MDN1: variants seen among roughly 807,000 people sequenced by gnomAD.
MDN1 encodes the protein midasin AAA ATPase 1.
Under a neutral mutation model 669.2 loss-of-function variants are expected in MDN1, and 266 were observed. That is an observed-to-expected ratio of 0.40 (90% CI 0.36 to 0.44). The LOEUF is 0.44. Ranked by LOEUF, MDN1 falls within the 20% of genes least tolerant of loss-of-function variation. The pLI is 1.00. For synonymous variants in MDN1, 2,385 were observed against 2,457.1 expected (o/e 0.97, Z 0.87); for missense variants, 5,940 against 6,754.0 (o/e 0.88, Z 4.22).
chr6:89,762,401 C>T lies in MDN1; in HGVS notation c.2274G>A (p.Gln758=), dbSNP rs749191908. 6.2e-7 allele frequency: 1 copy of T among 1,614,150 alleles called. No homozygotes were observed. The highest frequency in any genetic ancestry group is 8.5e-7 in the Non-Finnish European group (1 of 1,180,014). ...FLGHIQTCYR[Q]KRWHDLLRLM... ...GTCTCAGGAGATCATGCCACCGTTT[C>T]TGTCTGTAACAGGTCTGAATGTGCC... Residue 758 remains glutamine (Q), a synonymous_variant, in exon 16 of 102, where the codon CAG becomes CAA. Transcript: ENST00000369393.
chr6:89,793,800 C>G lies in MDN1; in HGVS notation c.817G>C (p.Val273Leu). Residue 273 changes from valine (V) to leucine (L), a missense_variant, in exon 5 of 102, where the codon GTG (valine) becomes CTG (leucine). This residue lies in a region of MDN1 where 1,203 missense variants were observed against 1,268.9 expected (regional missense o/e 0.95). Transcript: ENST00000369393. ...LSPRVTAVCG[V>L]VLPGQLPAPG... is the part of the protein sequence containing the mutation. ...GCTGGCAGCTGCCCAGGCAGCACCA[C>G]ACCACAAACAGCTGTCACCCTAGGG... 1 of 1,614,150 alleles carries G rather than the reference C, an allele frequency of 6.2e-7. No homozygotes were observed. Among genetic ancestry groups the G allele is most frequent in the Non-Finnish European group, 8.5e-7 (1 of 1,180,016 alleles).
Position 89,745,273 on chromosome 6 carries a change from C to G in MDN1, c.4178G>C (p.Gly1393Ala), listed in dbSNP as rs1229615716. 6.2e-7 allele frequency: 1 copy of G among 1,613,642 alleles called. No homozygotes were observed. The highest frequency in any genetic ancestry group is 8.5e-7 in the Non-Finnish European group (1 of 1,179,756). Residue 1393 changes from glycine to alanine, a missense_variant and splice_region_variant, in exon 29 of 102, where the codon GGG becomes GCG. Around this residue, in one of 5 missense-constraint regions of MDN1, gnomAD observed 2,292 missense variants for 2,638.3 expected, o/e 0.87. Transcript: ENST00000369393. The stretch of plus-strand genomic sequence containing the variant: ...ATGAGTCACTGTCACAGATCTTTAC[C>G]CAGTGTCTCCAACCAGCAGCACAGG... ...GEPVLLVGDT[G>A]CGKTTICQVF...
chr6:89,644,055 C>T lies in MDN1; in HGVS notation c.16741G>A (p.Asp5581Asn), dbSNP rs200698541. ...DVNALPETLSDALRQWFELVT... is the reference protein window; with the variant it reads ...DVNALPETLSNALRQWFELVT... ...AACTCAAACCACTGTCTGAGGGCAT[C>T]GCTGAGTGTCTCAGGAAGTGCGTTT... The change falls in exon 102 of 102, where the codon GAT (aspartate) becomes AAT (asparagine). Residue 5581 changes from aspartate to asparagine, a missense_variant. Physicochemically the swap from Asp to Asn is conservative, Grantham distance 23 (BLOSUM62 1). This residue lies in a region of MDN1 where 2,280 missense variants were observed against 2,576.3 expected (regional missense o/e 0.88). Transcript: ENST00000369393. 16 of 1,613,934 alleles carry T rather than the reference C, an allele frequency of 9.9e-6. No homozygotes were observed. The East Asian group carries it at 1.3e-4, about 13-fold the overall frequency.
Position 89,728,913 on chromosome 6 carries a change from T to G in MDN1, c.5349+18A>C, listed in dbSNP as rs1223094272. On this transcript the variant is annotated intron_variant, in intron 36 of 101. Transcript: ENST00000369393. ...TATCTATAGCTATCTCCATCAGCTG[T>G]AGGATGACCGAGCTTACCGTTTGCT... The G allele has an allele frequency of 6.2e-7, 1 of 1,607,354 alleles. No individual in the cohort carries two copies. The highest frequency in any genetic ancestry group is 1.7e-5 in the Admixed American group (1 of 59,976).
At chr6:89,655,356 CAG>C (rs998792348) in intron 92 of MDN1, among the ~76,000 whole-genome samples, 1 of 152,108 alleles carries the variant, frequency 6.6e-6, no homozygotes, top group African/African-American at 2.4e-5. Flanking sequence ...GGGACCTATC[CAG>C]AGGTGACTAA....
rs1222468370 is a variant in MDN1 at position 89,730,735 on chromosome 6, T to TA, written c.5130dup (p.Ile1711TyrfsTer11). The TA allele has an allele frequency of 6.2e-7, 1 of 1,612,556 alleles. No individual in the cohort carries two copies. Among genetic ancestry groups the TA allele is most frequent in the Non-Finnish European group, 8.5e-7 (1 of 1,179,568 alleles). ...TAAAAATCATTCTTACCCCTTGGTATAAAAAATGGATGAATTCCCCAAAGG... is the reference window on the plus strand; with the variant it reads ...TAAAAATCATTCTTACCCCTTGGTATAAAAAAATGGATGAATTCCCCAAAGG... On this transcript the variant is annotated frameshift_variant, in exon 35 of 102. Coordinates refer to ENST00000369393, the MANE Select transcript of MDN1 (RefSeq NM_014611.3). LOFTEE classifies it high-confidence loss of function.
chr6:89,691,550 G>GT (rs935805185), intron 63 of MDN1, among the ~76,000 whole-genome samples: 45 of 150,314 alleles, frequency 3.0e-4, no homozygotes, highest in African/African-American at 8.8e-4. Flanking sequence ...GTTTTTTTTT[G>GT]TTTTTTTGGC....
rs1815669131 is a variant in MDN1 at position 89,732,574 on chromosome 6, A to G, written c.4925T>C (p.Ile1642Thr). Reference protein sequence around the residue: ...SFVHAACLVYIDGIGSGVTSS... With the variant: ...SFVHAACLVYTDGIGSGVTSS... The stretch of plus-strand genomic sequence containing the variant: ...CAACATACCTGAACCTATTCCATCT[A>G]TGTACACCAGGCATGCAGCATGGAC... The change falls in exon 34 of 102, where the codon ATA becomes ACA. Residue 1642 changes from isoleucine to threonine, a missense_variant. Physicochemically the swap from Ile to Thr is moderately conservative, Grantham distance 89 (BLOSUM62 -1). This residue lies in a region of MDN1 where 2,292 missense variants were observed against 2,638.3 expected (regional missense o/e 0.87). Coordinates refer to ENST00000369393, the MANE Select transcript of MDN1 (RefSeq NM_014611.3). 2 of 1,614,102 alleles carry G rather than the reference A, an allele frequency of 1.2e-6. No individual in the cohort carries two copies. The highest frequency in any genetic ancestry group is 3.3e-5 in the Admixed American group (2 of 60,018).
chr6:89,781,648 G>T, intron 9 of MDN1, 56 bp from the exon 10 acceptor site: 1 of 1,442,854 alleles, frequency 6.9e-7, no homozygotes, highest in Non-Finnish European at 9.4e-7. Flanking sequence ...ATTTTTGAAA[G>T]CACACAAACT....
chr6:89,743,440 C>A, intron 30 of MDN1, 136 bp downstream of exon 30: 1 of 1,336,098 alleles, frequency 7.5e-7, no homozygotes, highest in South Asian at 1.4e-5. Flanking sequence ...TTGTGAAGGC[C>A]CTTGTAGACC....
intron 14 of MDN1, 113 bp from the exon 15 acceptor site, chr6:89,771,734 A>G (rs11753375): frequency 0.14 from 125,564 of 895,708 alleles, 10,412 homozygotes; most frequent in Middle Eastern, 0.24. Context: ...TTTGAGACAG[A>G]GTCTTGTTCT....
chr6:89,673,339 C>T lies in MDN1; in HGVS notation c.13371G>A (p.Met4457Ile). 6.2e-7 allele frequency: 1 copy of T among 1,614,120 alleles called. No individual in the cohort carries two copies. Among genetic ancestry groups the T allele is most frequent in the Non-Finnish European group, 8.5e-7 (1 of 1,180,024 alleles). Residue 4457 changes from methionine to isoleucine, a missense_variant, in exon 80 of 102, where the codon ATG (methionine) becomes ATA (isoleucine). Physicochemically the swap from Met to Ile is conservative, Grantham distance 10. Around this residue, in one of 5 missense-constraint regions of MDN1, gnomAD observed 2,280 missense variants for 2,576.3 expected, o/e 0.88. Coordinates refer to ENST00000369393, the MANE Select transcript of MDN1 (RefSeq NM_014611.3). ...CATATTCCAGACTTTCAACTAGTGCCATTTGTGAGTCTCTTTGCTCAACCT... is the reference window on the plus strand; with the variant it reads ...CATATTCCAGACTTTCAACTAGTGCTATTTGTGAGTCTCTTTGCTCAACCT... ...GMEVEQRDSQ[M>I]ALVESLEYVR... is the part of the protein sequence containing the mutation.
At chr6:89,758,743 C>CAA in intron 18 of MDN1, 73 bp downstream of exon 18, 2 of 1,491,014 alleles carry the variant, frequency 1.3e-6, no homozygotes, top group Non-Finnish European at 9.2e-7. Context: ...CTAACAACAA[C>CAA]AACAAAAAAT....
At chr6:89,814,253 C>A (rs1768655471) in intron 1 of MDN1, among the ~76,000 whole-genome samples, 1 of 152,032 alleles carries the variant, frequency 6.6e-6, no homozygotes, top group Non-Finnish European at 1.5e-5. Flanking sequence ...AATTCTGGCA[C>A]AGCTAACCAG....
At chr6:89,783,991 AAAAAG>A (rs1351296371) in intron 9 of MDN1, among the ~76,000 whole-genome samples, 1 of 151,924 alleles carries the variant, frequency 6.6e-6, no homozygotes, top group Admixed American at 6.6e-5. Context: ...CAAAAAAAAA[AAAAAG>A]AAAAGAAAAT....
intron 58 of MDN1, 135 bp downstream of exon 58, chr6:89,699,466 G>T: frequency 2.2e-6 from 2 of 901,348 alleles, no homozygotes; most frequent in Non-Finnish European, 1.6e-6. Flanking sequence ...TTCCCTTTAA[G>T]AGGCAATTCA....
At chr6:89,753,034 A>G (rs1326853250) in intron 22 of MDN1, among the ~76,000 whole-genome samples, 4 of 152,102 alleles carry the variant, frequency 2.6e-5, no homozygotes, top group Non-Finnish European at 4.4e-5. Context: ...GAGACAGGAG[A>G]ATCACTTCAG....
chr6:89,756,162 C>T (rs2128319742), intron 20 of MDN1, 115 bp downstream of exon 20: 1 of 518,220 alleles, frequency 1.9e-6, no homozygotes, highest in Non-Finnish European at 3.4e-6. Flanking sequence ...AATAATCCTG[C>T]CATCAGTTTT....
rs776474508 is a variant in MDN1, at chr6:89,655,967, C to G, written c.15287G>C (p.Ser5096Thr). The G allele has an allele frequency of 6.2e-7, 1 of 1,613,124 alleles. No homozygotes were observed. Among genetic ancestry groups the G allele is most frequent in the Non-Finnish European group, 8.5e-7 (1 of 1,179,820 alleles). ...AGCCTGCCCAGGTTTCCTCTTAAAA[C>G]TCTGAGAAATACAAGGAAATTCATC... The part of the protein sequence containing the change: ...SQKHTRKNTQ[S>T]FKRKPGQADN... The change falls in exon 92 of 102, where the codon AGT (serine) becomes ACT (threonine). Residue 5096 changes from serine (S) to threonine (T), a missense_variant and splice_region_variant. Transcript: ENST00000369393.
Sources: allele counts gnomAD v4.1 joint callset (sites outside exome capture counted in the v4.1 genomes callset), GRCh38; gene constraint gnomAD v4.1.1; regional missense constraint gnomAD v4.1.1; transcripts MANE v1.5; gene names NCBI Gene and HGNC (gene_info 2026-07-23, HGNC 2026-07-21).